The following KLF12 variants were observed in gnomAD, a reference collection of about 807,000 sequenced individuals.
KLF12 encodes the protein KLF transcription factor 12.
A neutral mutation model predicts 37.8 loss-of-function variants in KLF12; 9 were observed. That is an observed-to-expected ratio of 0.24 (90% CI 0.14 to 0.42). The LOEUF (loss-of-function observed/expected upper bound fraction) is 0.42. Among genes scored for constraint, KLF12 ranks in the 10% least tolerant of loss-of-function variants. KLF12 has a pLI of 1.00. For missense variants in KLF12, 411 were observed against 516.0 expected, an observed-to-expected ratio of 0.80 and a Z score of 1.97; for synonymous variants, 208 against 202.1, an observed-to-expected ratio of 1.03 and a Z score of -0.25.
At chr13:74,139,615 A>G in the KLF12 span, among the ~76,000 whole-genome samples, 1 of 152,166 alleles carries the variant, frequency 6.6e-6, no homozygotes, top group African/African-American at 2.4e-5. Flanking sequence ...TCTCTTTCAT[A>G]TGGAATTGTT....
intron 1 of KLF12, among the ~76,000 whole-genome samples, chr13:74,122,960 T>TAAAAA (rs58691841): frequency 2.9e-4 from 33 of 113,716 alleles, no homozygotes; most frequent in East Asian, 9.8e-4. Flanking sequence ...AACAGGTCAC[T>TAAAAA]AAAAAAAAAA....
intron 6 of KLF12, among the ~76,000 whole-genome samples, chr13:73,725,937 C>T (rs1010736527): frequency 6.6e-5 from 10 of 151,578 alleles, no homozygotes; most frequent in South Asian, 2.1e-4. Context: ...GGTGCTATCT[C>T]GGCTCACTGC....
intron 4 of KLF12, among the ~76,000 whole-genome samples, chr13:73,817,353 A>AAAC (rs1418420843): frequency 1.3e-5 from 2 of 149,338 alleles, no homozygotes; most frequent in Admixed American, 6.7e-5. Flanking sequence ...GAAAAACAAA[A>AAAC]AAAAAAAAGA....
chr13:74,281,034 A>G, the KLF12 span, among the ~76,000 whole-genome samples: 1 of 152,028 alleles, frequency 6.6e-6, no homozygotes, highest in Non-Finnish European at 1.5e-5. Context: ...TGCTTCTCCT[A>G]GACTTATAAC....
chr13:74,090,179 A>C (rs7318757), intron 1 of KLF12, among the ~76,000 whole-genome samples: 29,490 of 151,384 alleles, frequency 0.19, 3,018 homozygotes, highest in African/African-American at 0.27. Flanking sequence ...TAAAACAATT[A>C]TATTTATAAT....
chr13:73,976,038 G>A (rs190601575), intron 2 of KLF12, among the ~76,000 whole-genome samples: 83 of 151,872 alleles, frequency 5.5e-4, no homozygotes, highest in African/African-American at 1.9e-3. Flanking sequence ...TACACCCACC[G>A]TATTCATGGT....
At chr13:73,869,620 T>C (rs971779950) in intron 3 of KLF12, among the ~76,000 whole-genome samples, 1 of 152,218 alleles carries the variant, frequency 6.6e-6, no homozygotes, top group Non-Finnish European at 1.5e-5. Context: ...ATTATATCTA[T>C]ATCCATATCT....
intron 7 of KLF12, 121 bp from the exon 8 acceptor site, chr13:73,695,792 T>C: frequency 1.1e-6 from 1 of 938,642 alleles, no homozygotes; most frequent in Non-Finnish European, 1.6e-6. Context: ...TAAATCTTTG[T>C]CGGGAAACCT....
At chr13:74,286,886 A>C in the KLF12 span, among the ~76,000 whole-genome samples, 1 of 152,192 alleles carries the variant, frequency 6.6e-6, no homozygotes, top group South Asian at 2.1e-4. Flanking sequence ...ATGGGGACTC[A>C]GTAAATGGAG....
intron 7 of KLF12, among the ~76,000 whole-genome samples, chr13:73,699,682 C>T (rs1251279446): frequency 6.6e-6 from 1 of 152,150 alleles, no homozygotes; most frequent in African/African-American, 2.4e-5. Context: ...AGTTACCTTC[C>T]TATTGAGTCT....
At chr13:73,847,674 T>C (rs1885101304) in intron 3 of KLF12, among the ~76,000 whole-genome samples, 1 of 152,128 alleles carries the variant, frequency 6.6e-6, no homozygotes, top group East Asian at 1.9e-4. Context: ...GCTAACATGG[T>C]TACTTACCTA....
chr13:74,000,787 TG>T (rs1266617912), intron 1 of KLF12, among the ~76,000 whole-genome samples: 1 of 152,178 alleles, frequency 6.6e-6, no homozygotes, highest in Non-Finnish European at 1.5e-5. Context: ...CATCATTCTG[TG>T]CACCCAGAGA....
At chr13:74,040,250 G>A (rs186690964) in intron 1 of KLF12, among the ~76,000 whole-genome samples, 1 of 152,244 alleles carries the variant, frequency 6.6e-6, no homozygotes, top group East Asian at 1.9e-4. Flanking sequence ...CATGTATCAG[G>A]CATAATGCCA....
At chr13:73,887,955 A>G (rs1887313871) in intron 3 of KLF12, among the ~76,000 whole-genome samples, 1 of 152,242 alleles carries the variant, frequency 6.6e-6, no homozygotes. Flanking sequence ...TTTATACAAA[A>G]GAAACACTGA....
chr13:73,810,768 T>C (rs1047767216), intron 5 of KLF12, among the ~76,000 whole-genome samples: 1 of 152,126 alleles, frequency 6.6e-6, no homozygotes, highest in Non-Finnish European at 1.5e-5. Context: ...AGTCTAAATA[T>C]ACAGATGAGA....
At chr13:74,079,173 C>T (rs1215168437) in intron 1 of KLF12, among the ~76,000 whole-genome samples, 3 of 151,370 alleles carry the variant, frequency 2.0e-5, no homozygotes, top group African/African-American at 4.8e-5. Context: ...ATATGAGGTA[C>T]CTAAAGCAGT....
intron 1 of KLF12, among the ~76,000 whole-genome samples, chr13:74,015,259 T>C (rs994066743): frequency 2.0e-5 from 3 of 152,186 alleles, no homozygotes; most frequent in African/African-American, 7.2e-5. Context: ...GTGTAATTCT[T>C]TGTGCAATTT....
At chr13:74,277,772 G>A in the KLF12 span, among the ~76,000 whole-genome samples, 2 of 152,070 alleles carry the variant, frequency 1.3e-5, no homozygotes, top group Non-Finnish European at 2.9e-5. Context: ...TAATTAGAAT[G>A]TCCTGTCCCA....
chr13:74,137,815 C>T (rs1464622602), upstream of KLF12, among the ~76,000 whole-genome samples: 1 of 152,120 alleles, frequency 6.6e-6, no homozygotes, highest in Non-Finnish European at 1.5e-5. Context: ...GGCTGGAGTG[C>T]AACGGCGCGA....
Sources: gnomAD v4.1 joint callset for allele counts (sites outside exome capture counted in the v4.1 genomes callset) on GRCh38, gnomAD v4.1.1 for gene constraint, MANE v1.5 for transcripts, NCBI Gene and HGNC (gene_info 2026-07-23, HGNC 2026-07-21) for gene names.